The following NR5A2 variants were observed in gnomAD, a reference collection of about 807,000 sequenced individuals.
NR5A2 encodes the protein nuclear receptor subfamily 5 group A member 2, also known as CYP7A promoter-binding factor.
In NR5A2, 26 loss-of-function variants were observed where a neutral mutation model predicts 62.7. The ratio of observed to expected loss-of-function variants is 0.41; its 90% CI spans 0.30 to 0.58. The LOEUF is 0.58. NR5A2 is among the 20% of genes least tolerant of loss of function. The pLI, the probability that NR5A2 is intolerant of heterozygous loss-of-function variation, is 0.22. For synonymous variants in NR5A2, 246 were observed against 241.7 expected (o/e 1.02, Z -0.16); for missense variants, 541 against 669.1 (o/e 0.81, Z 2.11).
chr1:200,076,928 A>G (rs1176320451), intron 5 of NR5A2, among the ~76,000 whole-genome samples: 1 of 152,212 alleles, frequency 6.6e-6, no homozygotes, highest in African/African-American at 2.4e-5. Context: ...TTAATTATAG[A>G]GAAGTTTAAA....
At position 200,152,832 on chromosome 1, in the gene NR5A2, T is replaced by G. The variant is rs186837499; in HGVS notation, c.1379-21131T>G. The stretch of plus-strand genomic sequence containing the variant: ...TCAGCTATGGTCACTACATTGAGAG[T>G]TTAATGCTCCAAAAGGTATGCTCTG... On this transcript the variant is annotated intron_variant, in intron 7 of 7. Transcript: ENST00000367362. 2.6e-5 allele frequency among the ~76,000 whole-genome samples: 4 copies of G among 151,940 alleles called. No individual in the cohort carries two copies. The South Asian group carries it at 6.2e-4, about 24-fold the overall frequency.
chr1:200,108,809 T>A (rs941058742), intron 5 of NR5A2, among the ~76,000 whole-genome samples: 1 of 152,172 alleles, frequency 6.6e-6, no homozygotes, highest in African/African-American at 2.4e-5. Flanking sequence ...TTGAAATCAC[T>A]CCTTAGCACC....
chr1:200,092,244 A>G (rs1177363031), intron 5 of NR5A2, among the ~76,000 whole-genome samples: 11 of 152,180 alleles, frequency 7.2e-5, no homozygotes, highest in Admixed American at 2.0e-4. Context: ...TGTCTATTTA[A>G]TGCTATATAA....
chr1:200,130,261 C>T (rs558538680), intron 7 of NR5A2, among the ~76,000 whole-genome samples: 17 of 131,094 alleles, frequency 1.3e-4, no homozygotes, highest in African/African-American at 4.1e-4. Flanking sequence ...CAGAGATCTG[C>T]TTGCAGGAAC....
intron 7 of NR5A2, among the ~76,000 whole-genome samples, chr1:200,150,370 T>G (rs781647853): frequency 7.9e-5 from 12 of 152,202 alleles, no homozygotes; most frequent in Non-Finnish European, 1.5e-4. Context: ...AAAAACAATC[T>G]TGAACTCTAG....
intron 7 of NR5A2, chr1:200,148,070 C>T: frequency 3.5e-6 from 1 of 287,398 alleles, no homozygotes; most frequent in Non-Finnish European, 6.8e-6. Flanking sequence ...AGTCGGGGCC[C>T]GCCTCGAAGG....
chr1:200,073,691 A>ACACACACAC (rs1411821409), intron 5 of NR5A2, among the ~76,000 whole-genome samples: 34 of 152,082 alleles, frequency 2.2e-4, no homozygotes, highest in African/African-American at 7.7e-4. Context: ...TGAAACACAC[A>ACACACACAC]CACACACACC....
chr1:200,036,353 T>C (rs1661779652), intron 1 of NR5A2, among the ~76,000 whole-genome samples: 1 of 152,208 alleles, frequency 6.6e-6, no homozygotes, highest in Non-Finnish European at 1.5e-5. Context: ...GTCACTGAGC[T>C]AGCGGGTCCC....
At chr1:200,107,439 G>A (rs181186883) in intron 5 of NR5A2, among the ~76,000 whole-genome samples, 40 of 152,186 alleles carry the variant, frequency 2.6e-4, no homozygotes, top group African/African-American at 7.7e-4. Context: ...TATAGGAGAT[G>A]CCGTGTTAGA....
chr1:200,171,112 A>G (rs1177696631), intron 7 of NR5A2, among the ~76,000 whole-genome samples: 1 of 152,202 alleles, frequency 6.6e-6, no homozygotes, highest in Non-Finnish European at 1.5e-5. Context: ...CAGAGCAATG[A>G]TCCTGGAATG....
intron 7 of NR5A2, among the ~76,000 whole-genome samples, chr1:200,137,458 ACCTGGCC>A (rs1667275298): frequency 6.6e-6 from 1 of 151,594 alleles, no homozygotes; most frequent in African/African-American, 2.4e-5. Context: ...GAGCCACCAC[ACCTGGCC>A]CAGATTTTAC....
intron 5 of NR5A2, among the ~76,000 whole-genome samples, chr1:200,062,231 G>A (rs865870009): frequency 0.023 from 3,425 of 149,126 alleles, 140 homozygotes; most frequent in African/African-American, 0.077. Flanking sequence ...CAGATTTTGT[G>A]TGTGTGTGTG....
intron 5 of NR5A2, among the ~76,000 whole-genome samples, chr1:200,100,710 A>G (rs1323469928): frequency 6.6e-6 from 1 of 152,242 alleles, no homozygotes; most frequent in Non-Finnish European, 1.5e-5. Flanking sequence ...TATTGTATCT[A>G]CTGTGGGGAT....
At position 200,133,564 on chromosome 1, in the gene NR5A2, TATATATATACAC is replaced by T. The variant is rs1344908581; in HGVS notation, c.1378+12631_1378+12642del. Reference sequence around the variant, plus strand: ...ATATATATACACATATATACACACATATATATATACACATATATATACACATATATATATATA... The same window carrying T: ...ATATATATACACATATATACACACATATATATATACACATATATATATATA... On this transcript the variant is annotated intron_variant, in intron 7 of 7. Coordinates refer to ENST00000367362, the MANE Select transcript of NR5A2 (RefSeq NM_205860.3). Among the ~76,000 whole-genome samples the T allele has an allele frequency of 1.6e-4, 20 of 123,802 alleles. No homozygotes were observed. The South Asian group carries it at 1.7e-3, about 11-fold the overall frequency. The allele number at this position is 123,802 out of a possible 152,430, so 81.2% of individuals were successfully genotyped here.
At chr1:200,144,233 T>TCTCTCACA (rs1446217306) in intron 7 of NR5A2, among the ~76,000 whole-genome samples, 209 of 80,108 alleles carry the variant, frequency 2.6e-3, no homozygotes, top group African/African-American at 8.3e-3. Context: ...TCTCTCTCTC[T>TCTCTCACA]CACACACACA....
intron 5 of NR5A2, among the ~76,000 whole-genome samples, chr1:200,088,231 T>TTG (rs2102247487): frequency 6.6e-6 from 1 of 150,808 alleles, no homozygotes; most frequent in African/African-American, 2.4e-5. Flanking sequence ...TGTTGTTGTT[T>TTG]TTGTTTTTGT....
chr1:200,057,576 T>C, intron 5 of NR5A2: 1 of 348,344 alleles, frequency 2.9e-6, no homozygotes. Context: ...CCTCCTGCAT[T>C]CAAGTGATTC....
chr1:200,163,251 C>T (rs1653726601), intron 7 of NR5A2, among the ~76,000 whole-genome samples: 1 of 120,260 alleles, frequency 8.3e-6, no homozygotes, highest in Admixed American at 8.9e-5. Context: ...GGAAGAATAG[C>T]AGCATGTCAA....
intron 5 of NR5A2, among the ~76,000 whole-genome samples, chr1:200,060,790 G>T (rs958130012): frequency 3.9e-5 from 6 of 151,910 alleles, no homozygotes; most frequent in Admixed American, 3.9e-4. Flanking sequence ...GGAAGGAATA[G>T]CCAAAAGCTT....
Sources: gnomAD v4.1 joint callset for allele counts (sites outside exome capture counted in the v4.1 genomes callset) on GRCh38, gnomAD v4.1.1 for gene constraint, MANE v1.5 for transcripts, NCBI Gene and HGNC (gene_info 2026-07-23, HGNC 2026-07-21) for gene names.